Variants in RBFOX3 observed in about 807,000 individuals in gnomAD.
The protein encoded by RBFOX3 is RNA binding fox-1 homolog 3, also known as RNA binding protein fox-1 homolog 3.
A neutral mutation model predicts 48.7 loss-of-function variants in RBFOX3; 17 were observed. The ratio of observed to expected loss-of-function variants is 0.35; its 90% CI spans 0.24 to 0.52. RBFOX3 has a LOEUF of 0.52. Ranked by LOEUF, RBFOX3 falls within the 20% of genes least tolerant of loss-of-function variation. The pLI is 0.94. For missense variants in RBFOX3, 382 were observed against 497.5 expected (o/e 0.77, Z 2.21); for synonymous variants, 212 against 209.5 (o/e 1.01, Z -0.10).
chr17:79,570,149 C>CAGATGGATAAT (rs1244276758), intron 1 of RBFOX3, among the ~76,000 whole-genome samples: 2 of 145,682 alleles, frequency 1.4e-5, no homozygotes, highest in African/African-American at 5.1e-5. Flanking sequence ...GGCAAATGGA[C>CAGATGGATAAT]AGATGGATAA....
In RBFOX3 at chr17:79,195,501, C is replaced by T. The variant is rs1425638938; in HGVS notation, c.-34+40265G>A. Among the ~76,000 whole-genome samples, 3 of 152,184 alleles carry T rather than the reference C, an allele frequency of 2.0e-5. No homozygotes were observed. Among genetic ancestry groups the T allele is most frequent in the Admixed American group, 1.3e-4 (2 of 15,286 alleles). ...AAGTCTGTGTGGGCAGGAAGCCTGC[C>T]CTGATCTCCCCATCCCAAAACACAG... On this transcript the variant is annotated intron_variant, in intron 4 of 14. Transcript: ENST00000693108. This position sits in a 1 kb window ranked among gnomAD's most constrained non-coding sequence, Gnocchi z 5.3.
intron 2 of RBFOX3, among the ~76,000 whole-genome samples, chr17:79,384,495 CGTCT>C (rs1371242657): frequency 1.3e-5 from 2 of 152,190 alleles, no homozygotes; most frequent in Admixed American, 1.3e-4. Flanking sequence ...TCTGGAGAAC[CGTCT>C]GCCCTCAAAA....
rs2076754060 is a variant in RBFOX3 at position 79,103,124 on chromosome 17, C to G, written c.507+38G>C. ...GGGAGCTGGGGGGCAGGTGGGCGAT[C>G]TTGGGGCATCCCTGCCGCAGCACAC... On this transcript the variant is annotated intron_variant, in intron 8 of 14. Transcript: ENST00000693108. The surrounding 1 kb of genome is among the most constrained non-coding windows in gnomAD (Gnocchi z 6.1). 1 of 1,480,254 alleles carries G rather than the reference C, an allele frequency of 6.8e-7. No individual in the cohort carries two copies. Among genetic ancestry groups the G allele is most frequent in the African/African-American group, 1.4e-5 (1 of 71,532 alleles). The allele number at this position is 1,480,254 out of a possible 1,614,324, so 91.7% of individuals were successfully genotyped here.
intron 1 of RBFOX3, among the ~76,000 whole-genome samples, chr17:79,494,286 G>A (rs814746): frequency 0.94 from 142,612 of 152,218 alleles, 67,182 homozygotes; most frequent in Non-Finnish European, 0.98. Flanking sequence ...TGGCAGCCAG[G>A]CAGGGCAGGA....
chr17:79,554,545 G>A (rs1025280593), intron 1 of RBFOX3, among the ~76,000 whole-genome samples: 182 of 150,288 alleles, frequency 1.2e-3, no homozygotes, highest in African/African-American at 2.7e-3. Context: ...TTCGCACCCC[G>A]CTGTGAGCCT....
At chr17:79,596,130 A>C (rs1175617791) in intron 1 of RBFOX3, among the ~76,000 whole-genome samples, 1 of 152,178 alleles carries the variant, frequency 6.6e-6, no homozygotes, top group Non-Finnish European at 1.5e-5. Flanking sequence ...TCAAAGAGAC[A>C]TCTGAGACCC....
At chr17:79,547,308 G>A (rs781934077) in intron 1 of RBFOX3, among the ~76,000 whole-genome samples, 2 of 152,022 alleles carry the variant, frequency 1.3e-5, no homozygotes, top group South Asian at 2.1e-4. Context: ...TTAGCCAGGC[G>A]TGGTGGCATG....
At chr17:79,520,779 C>T (rs1453631557) in intron 1 of RBFOX3, among the ~76,000 whole-genome samples, 1 of 152,166 alleles carries the variant, frequency 6.6e-6, no homozygotes, top group Non-Finnish European at 1.5e-5. Context: ...CGGGCCCTCC[C>T]GGCTGGCCGG....
intron 1 of RBFOX3, among the ~76,000 whole-genome samples, chr17:79,517,434 G>C (rs1473100273): frequency 7.8e-6 from 1 of 127,820 alleles, no homozygotes; most frequent in African/African-American, 3.1e-5. Flanking sequence ...TATACAGTGA[G>C]AGTCTGTCTC....
intron 3 of RBFOX3, among the ~76,000 whole-genome samples, chr17:79,270,762 C>T (rs2067523094): frequency 6.6e-6 from 1 of 152,260 alleles, no homozygotes; most frequent in Non-Finnish European, 1.5e-5. Flanking sequence ...GGGAAGCCCT[C>T]CTGCTTTAAT....
At chr17:79,583,295 CTT>C (rs1285526578) in intron 1 of RBFOX3, among the ~76,000 whole-genome samples, 2 of 152,204 alleles carry the variant, frequency 1.3e-5, no homozygotes, top group Non-Finnish European at 2.9e-5. Flanking sequence ...GGCCCTGACA[CTT>C]TCATTCACTG....
intron 2 of RBFOX3, among the ~76,000 whole-genome samples, chr17:79,343,847 G>C (rs749287722): frequency 1.3e-5 from 2 of 152,202 alleles, no homozygotes; most frequent in Non-Finnish European, 2.9e-5. Context: ...AAGTCACTCA[G>C]AGGAATCACG....
chr17:79,413,188 C>T (rs1489294732), intron 2 of RBFOX3, among the ~76,000 whole-genome samples: 2 of 152,236 alleles, frequency 1.3e-5, no homozygotes, highest in Admixed American at 1.3e-4. Context: ...TCAGCCCAGA[C>T]CCAGCCTCAA....
At chr17:79,597,689 A>T (rs12950680) in intron 1 of RBFOX3, among the ~76,000 whole-genome samples, 56,445 of 152,090 alleles carry the variant, frequency 0.37, 11,874 homozygotes, top group Middle Eastern at 0.51. Context: ...GTCACCTACT[A>T]AGTACCCCCC....
chr17:79,404,662 T>C (rs1049652944), intron 2 of RBFOX3, among the ~76,000 whole-genome samples: 2 of 148,326 alleles, frequency 1.3e-5, no homozygotes, highest in Non-Finnish European at 3.0e-5. Flanking sequence ...TCACCACCCC[T>C]GTGGGTCCCT....
chr17:79,473,272 T>C lies in RBFOX3; in HGVS notation c.-175+9182A>G, dbSNP rs1334613745. On this transcript the variant is annotated intron_variant, in intron 2 of 14. Coordinates refer to ENST00000693108, the MANE Select transcript of RBFOX3 (RefSeq NM_001350451.2). The surrounding 1 kb of genome is among the most constrained non-coding windows in gnomAD (Gnocchi z 4.2). ...CTTTGAGTAGCTGAGATATGGGTCA[T>C]GTGAGACGTGTCCTCAGCCTGTTGC... Among the ~76,000 whole-genome samples, 2 of 152,242 alleles carry C rather than the reference T, an allele frequency of 1.3e-5. No homozygotes were observed. The highest frequency in any genetic ancestry group is 2.9e-5 in the Non-Finnish European group (2 of 68,044).
intron 2 of RBFOX3, among the ~76,000 whole-genome samples, chr17:79,429,895 G>A (rs192539986): frequency 2.7e-4 from 41 of 152,286 alleles, no homozygotes; most frequent in African/African-American, 9.4e-4. Context: ...TCAACTTGGG[G>A]CCTGTGCTTG....
At chr17:79,606,011 C>A (rs1425509918) in intron 1 of RBFOX3, among the ~76,000 whole-genome samples, 2 of 152,208 alleles carry the variant, frequency 1.3e-5, no homozygotes, top group African/African-American at 4.8e-5. Flanking sequence ...GTTCTTCTGC[C>A]CCCTATCCCC....
chr17:79,220,265 C>T lies in RBFOX3; in HGVS notation c.-34+15501G>A, dbSNP rs2059567255. On this transcript the variant is annotated intron_variant, in intron 4 of 14. Coordinates refer to ENST00000693108, the MANE Select transcript of RBFOX3 (RefSeq NM_001350451.2). The surrounding 1 kb of genome is among the most constrained non-coding windows in gnomAD (Gnocchi z 5.9). ...GAGGAGACCCAATCAGGGAAGCGGC[C>T]GCTGGCGGCAGGTTGGTGGGGGTAG... is the stretch of plus-strand genomic sequence containing the variant. 6.6e-6 allele frequency among the ~76,000 whole-genome samples: 1 copy of T among 152,212 alleles called. No homozygotes were observed. The highest frequency in any genetic ancestry group is 1.9e-4 in the East Asian group (1 of 5,200).
Sources: allele counts gnomAD v4.1 joint callset (sites outside exome capture counted in the v4.1 genomes callset), GRCh38; gene constraint gnomAD v4.1.1; non-coding constraint Gnocchi (gnomAD v3.1); transcripts MANE v1.5; gene names NCBI Gene and HGNC (gene_info 2026-07-23, HGNC 2026-07-21).